The following CTNNA3 variants were observed in gnomAD, a reference collection of about 807,000 sequenced individuals.
The protein encoded by CTNNA3 is catenin alpha 3.
Under a neutral mutation model 95.7 loss-of-function variants are expected in CTNNA3, and 76 were observed. The observed-to-expected ratio is 0.79, with a 90% CI of 0.66 to 0.96. CTNNA3 has a LOEUF of 0.96. Ranked by LOEUF, CTNNA3 falls within the 40% of genes least tolerant of loss-of-function variation. The pLI, the probability that CTNNA3 is intolerant of heterozygous loss-of-function variation, is 0.00. For missense variants in CTNNA3, 1,191 were observed against 1,089.8 expected (o/e 1.09, Z -1.31); for synonymous variants, 431 against 374.4 (o/e 1.15, Z -1.74).
chr10:66,260,435 G>A (rs920422837), intron 13 of CTNNA3, among the ~76,000 whole-genome samples: 3 of 152,014 alleles, frequency 2.0e-5, no homozygotes, highest in African/African-American at 7.2e-5. Flanking sequence ...TGATATATAA[G>A]CTTCTAAACC....
At chr10:65,958,485 T>G (rs571833987) in intron 17 of CTNNA3, among the ~76,000 whole-genome samples, 2 of 152,340 alleles carry the variant, frequency 1.3e-5, no homozygotes, top group East Asian at 1.9e-4. Context: ...TTTAGAATTT[T>G]CAGCTTTTCT....
At chr10:67,615,598 G>A (rs1484192892) in intron 2 of CTNNA3, among the ~76,000 whole-genome samples, 1 of 151,980 alleles carries the variant, frequency 6.6e-6, no homozygotes, top group Non-Finnish European at 1.5e-5. Flanking sequence ...TTCTAAGAAG[G>A]TGGGGGAACA....
chr10:67,083,885 T>C (rs536374655), intron 7 of CTNNA3, among the ~76,000 whole-genome samples: 1 of 152,194 alleles, frequency 6.6e-6, no homozygotes, highest in East Asian at 1.9e-4. Flanking sequence ...AAGCAAAATT[T>C]AAAAGCACAT....
Position 67,539,559 on chromosome 10 carries a change from G to A in CTNNA3, c.403C>T (p.Leu135Phe), listed in dbSNP as rs1162153605. Reference protein sequence around the residue: ...ARALLAAVTRLLILADMIDVM... With the variant: ...ARALLAAVTRFLILADMIDVM... ...TCAATCATGTCCGCAAGGATAAGGA[G>A]TCTCGTCACCGCAGCCAGCAAGGCA... is the stretch of plus-strand genomic sequence containing the variant. The change falls in exon 4 of 18, where the codon CTC becomes TTC. Residue 135 changes from leucine (L) to phenylalanine (F), a missense_variant. Transcript: ENST00000433211. 6.2e-7 allele frequency: 1 copy of A among 1,613,728 alleles called. No individual in the cohort carries two copies. The highest frequency in any genetic ancestry group is 1.3e-5 in the African/African-American group (1 of 74,882).
intron 7 of CTNNA3, among the ~76,000 whole-genome samples, chr10:66,826,254 G>A (rs1223341436): frequency 1.3e-5 from 2 of 152,098 alleles, no homozygotes; most frequent in African/African-American, 4.8e-5. Context: ...ACATGTCTAT[G>A]TAATTGAATG....
intron 13 of CTNNA3, among the ~76,000 whole-genome samples, chr10:66,199,549 A>C (rs113582610): frequency 6.6e-6 from 1 of 151,276 alleles, no homozygotes; most frequent in Non-Finnish European, 1.5e-5. Context: ...CATAAAAACT[A>C]TCAGACATAT....
intron 1 of CTNNA3, among the ~76,000 whole-genome samples, chr10:67,730,599 T>C (rs1841268826): frequency 1.3e-5 from 2 of 152,012 alleles, no homozygotes. Flanking sequence ...GGATGACAGG[T>C]GAGCAGTAGG....
At chr10:67,206,300 T>A (rs540433758) in intron 6 of CTNNA3, among the ~76,000 whole-genome samples, 2 of 152,312 alleles carry the variant, frequency 1.3e-5, no homozygotes, top group African/African-American at 4.8e-5. Context: ...GATTTCTTTA[T>A]GTCTCTGCAT....
At chr10:65,961,352 C>T (rs958629552) in intron 17 of CTNNA3, among the ~76,000 whole-genome samples, 3 of 152,108 alleles carry the variant, frequency 2.0e-5, no homozygotes, top group Admixed American at 1.3e-4. Context: ...ACTGATACTG[C>T]TTTTAAAAAG....
intron 11 of CTNNA3, among the ~76,000 whole-genome samples, chr10:66,434,536 G>A (rs533460463): frequency 6.6e-6 from 1 of 152,256 alleles, no homozygotes; most frequent in South Asian, 2.1e-4. Context: ...AGCCTAAGGA[G>A]ATTTTGGGGC....
intron 7 of CTNNA3, among the ~76,000 whole-genome samples, chr10:66,875,756 C>T (rs1403867568): frequency 3.3e-5 from 5 of 152,054 alleles, no homozygotes; most frequent in South Asian, 2.1e-4. Context: ...CATGACAATC[C>T]GATTCATGCA....
chr10:67,588,147 T>A (rs1842688560), intron 3 of CTNNA3, among the ~76,000 whole-genome samples: 1 of 152,144 alleles, frequency 6.6e-6, no homozygotes, highest in African/African-American at 2.4e-5. Context: ...GTCTCTTGCA[T>A]CTCACCGAGC....
intron 11 of CTNNA3, among the ~76,000 whole-genome samples, chr10:66,416,259 G>T (rs2093144946): frequency 7.4e-6 from 1 of 134,426 alleles, no homozygotes; most frequent in African/African-American, 3.0e-5. Context: ...ATAACCCTCA[G>T]ACACATTTTT....
chr10:66,743,478 T>C (rs1459771362), intron 9 of CTNNA3, among the ~76,000 whole-genome samples: 1 of 152,182 alleles, frequency 6.6e-6, no homozygotes, highest in Non-Finnish European at 1.5e-5. Context: ...TCTGGGTTTA[T>C]CTGAGATACT....
chr10:66,117,283 A>C (rs2133803650), intron 13 of CTNNA3, among the ~76,000 whole-genome samples: 1 of 152,312 alleles, frequency 6.6e-6, no homozygotes, highest in South Asian at 2.1e-4. Flanking sequence ...ATGCTGTCAA[A>C]AATGTGAAAT....
At chr10:66,974,495 G>A (rs1463075271) in intron 7 of CTNNA3, among the ~76,000 whole-genome samples, 6 of 152,266 alleles carry the variant, frequency 3.9e-5, no homozygotes, top group African/African-American at 1.4e-4. Flanking sequence ...GCCAGCATAT[G>A]TTTTTATTTC....
chr10:66,729,848 T>C (rs1163241929), intron 9 of CTNNA3, among the ~76,000 whole-genome samples: 2 of 152,130 alleles, frequency 1.3e-5, no homozygotes, highest in African/African-American at 2.4e-5. Context: ...CTCATGCCTG[T>C]AATCCCAGCA....
chr10:66,169,210 A>G (rs2085292575), intron 13 of CTNNA3, among the ~76,000 whole-genome samples: 1 of 152,042 alleles, frequency 6.6e-6, no homozygotes. Flanking sequence ...CCCAAAGTCT[A>G]TTGTATCATT....
chr10:66,767,244 G>A (rs975486806), intron 8 of CTNNA3, among the ~76,000 whole-genome samples: 4 of 151,924 alleles, frequency 2.6e-5, no homozygotes, highest in South Asian at 2.1e-4. Context: ...TCAGGAGTTC[G>A]AGAACAGCCT....
Sources: gnomAD v4.1 joint callset for allele counts (sites outside exome capture counted in the v4.1 genomes callset) on GRCh38, gnomAD v4.1.1 for gene constraint, MANE v1.5 for transcripts, NCBI Gene and HGNC (gene_info 2026-07-23, HGNC 2026-07-21) for gene names.